The following ABTB3 variants were observed in gnomAD, a reference collection of about 807,000 sequenced individuals.
ABTB3 encodes ankyrin repeat- and BTB/POZ domain-containing protein 3.
At chr12:107,437,979 TAA>T in the ABTB3 span, among the ~76,000 whole-genome samples, 236 of 152,224 alleles carry the variant, frequency 1.6e-3, 2 homozygotes, top group Middle Eastern at 3.4e-3. Context: ...TCAGAGCTGC[TAA>T]GTCTCAACAA....
At chr12:107,513,001 T>A in the ABTB3 span, among the ~76,000 whole-genome samples, 1 of 152,234 alleles carries the variant, frequency 6.6e-6, no homozygotes, top group Admixed American at 6.5e-5. Flanking sequence ...ACCCAGGCAA[T>A]GTCAACCCCG....
the ABTB3 span, among the ~76,000 whole-genome samples, chr12:107,625,780 T>C: frequency 6.6e-6 from 1 of 152,058 alleles, no homozygotes; most frequent in Non-Finnish European, 1.5e-5. Flanking sequence ...GGGGCAATAC[T>C]CTTTACTGGC....
the ABTB3 span, among the ~76,000 whole-genome samples, chr12:107,389,023 T>G: frequency 6.6e-6 from 1 of 152,194 alleles, no homozygotes; most frequent in African/African-American, 2.4e-5. Flanking sequence ...AAACTCAGAG[T>G]TCAACTTTTT....
chr12:107,417,051 C>T, the ABTB3 span, among the ~76,000 whole-genome samples: 8 of 152,130 alleles, frequency 5.3e-5, no homozygotes, highest in Admixed American at 1.3e-4. Flanking sequence ...CAACTGAAGG[C>T]GAGGAAATTA....
the ABTB3 span, among the ~76,000 whole-genome samples, chr12:107,561,074 C>T: frequency 6.6e-6 from 1 of 152,084 alleles, no homozygotes; most frequent in Non-Finnish European, 1.5e-5. Context: ...TGGATGTGTC[C>T]CCAGGCTTCC....
the ABTB3 span, chr12:107,319,724 A>T: frequency 6.5e-7 from 1 of 1,531,240 alleles, no homozygotes; most frequent in Middle Eastern, 1.8e-4. Flanking sequence ...CCGGAGCTGC[A>T]GTGGCCCTGG....
At chr12:107,426,826 G>GAT in the ABTB3 span, among the ~76,000 whole-genome samples, 1 of 152,024 alleles carries the variant, frequency 6.6e-6, no homozygotes, top group African/African-American at 2.4e-5. Flanking sequence ...AAGTCCTGGG[G>GAT]ATTCTGTCCT....
the ABTB3 span, among the ~76,000 whole-genome samples, chr12:107,347,678 C>T: frequency 6.6e-6 from 1 of 152,066 alleles, no homozygotes; most frequent in Non-Finnish European, 1.5e-5. Flanking sequence ...CAGTTAAGGG[C>T]TACGTTCAAA....
the ABTB3 span, among the ~76,000 whole-genome samples, chr12:107,620,682 T>C: frequency 6.6e-6 from 1 of 152,140 alleles, no homozygotes; most frequent in Admixed American, 6.5e-5. Flanking sequence ...AGCCAGGCCC[T>C]GGGAGAAGGC....
chr12:107,336,426 G>A, the ABTB3 span, among the ~76,000 whole-genome samples: 15 of 152,000 alleles, frequency 9.9e-5, no homozygotes, highest in East Asian at 1.9e-4. Flanking sequence ...TCCCAGCATC[G>A]TCCCTTATTA....
the ABTB3 span, among the ~76,000 whole-genome samples, chr12:107,423,362 T>C: frequency 6.6e-6 from 1 of 152,340 alleles, no homozygotes; most frequent in East Asian, 1.9e-4. Context: ...ATTATCTAGC[T>C]GCAGAACACA....
At chr12:107,505,224 G>T in the ABTB3 span, among the ~76,000 whole-genome samples, 15 of 152,164 alleles carry the variant, frequency 9.9e-5, no homozygotes, top group Admixed American at 2.0e-4. Context: ...GGTACTTAAT[G>T]AATCAGAATT....
the ABTB3 span, among the ~76,000 whole-genome samples, chr12:107,487,697 A>G: frequency 6.6e-6 from 1 of 152,194 alleles, no homozygotes; most frequent in African/African-American, 2.4e-5. Context: ...AAACCTATTT[A>G]TCGACAAAGA....
chr12:107,490,153 C>A, the ABTB3 span, among the ~76,000 whole-genome samples: 1 of 152,154 alleles, frequency 6.6e-6, no homozygotes, highest in Admixed American at 6.5e-5. Context: ...GAGCAACCCC[C>A]AATTCAAATG....
chr12:107,465,962 A>G, the ABTB3 span, among the ~76,000 whole-genome samples: 2 of 152,166 alleles, frequency 1.3e-5, no homozygotes, highest in Non-Finnish European at 2.9e-5. Flanking sequence ...AAGCCCTACT[A>G]TGCATCCAGC....
the ABTB3 span, chr12:107,617,519 G>A: frequency 6.5e-7 from 1 of 1,540,680 alleles, no homozygotes; most frequent in South Asian, 1.2e-5. Context: ...CAGACCCATT[G>A]TCTCTCTGGA....
the ABTB3 span, among the ~76,000 whole-genome samples, chr12:107,451,780 A>G: frequency 8.9e-4 from 135 of 151,656 alleles, no homozygotes; most frequent in African/African-American, 3.1e-3. Flanking sequence ...TTTCTGTTTA[A>G]CTCCCGTTTG....
the ABTB3 span, among the ~76,000 whole-genome samples, chr12:107,541,365 G>A: frequency 3.3e-5 from 5 of 152,216 alleles, no homozygotes; most frequent in African/African-American, 1.2e-4. Flanking sequence ...GCCCCAACAG[G>A]GGCTAGCATC....
chr12:107,433,753 T>G, the ABTB3 span, among the ~76,000 whole-genome samples: 1 of 152,182 alleles, frequency 6.6e-6, no homozygotes, highest in East Asian at 1.9e-4. Context: ...AAAGGGGTGC[T>G]AGCAAGCCAG....
Sources: allele counts gnomAD v4.1 joint callset (sites outside exome capture counted in the v4.1 genomes callset), GRCh38; gene constraint gnomAD v4.1.1; transcripts MANE v1.5; gene names NCBI Gene and HGNC (gene_info 2026-07-23, HGNC 2026-07-21).